The following HIF1AN variants were observed in gnomAD, a reference collection of about 807,000 sequenced individuals.
HIF1AN encodes hypoxia-inducible factor 1-alpha inhibitor.
In HIF1AN, 21 loss-of-function variants were observed where a neutral mutation model predicts 47.7. That is an observed-to-expected ratio of 0.44 (90% CI 0.31 to 0.63). The LOEUF (loss-of-function observed/expected upper bound fraction) is 0.63. Among genes scored for constraint, HIF1AN ranks in the 30% least tolerant of loss-of-function variants. The pLI is 0.07. For missense variants in HIF1AN, 320 were observed against 432.7 expected, an observed-to-expected ratio of 0.74 and a Z score of 2.31; for synonymous variants, 152 against 155.9, an observed-to-expected ratio of 0.98 and a Z score of 0.18.
chr10:100,546,677 C>T, intron 6 of HIF1AN, 96 bp downstream of exon 6: 1 of 895,502 alleles, frequency 1.1e-6, no homozygotes, highest in Non-Finnish European at 1.8e-6. Flanking sequence ...GGTTGACTAT[C>T]CCTGGAAGTG....
intron 3 of HIF1AN, among the ~76,000 whole-genome samples, chr10:100,543,537 C>G (rs1307085722): frequency 2.0e-5 from 3 of 152,044 alleles, no homozygotes; most frequent in Non-Finnish European, 2.9e-5. Flanking sequence ...GAAACCAACT[C>G]TTGGTTGACC....
At chr10:100,548,030 C>G in intron 7 of HIF1AN, 63 bp from the exon 8 acceptor site, 1 of 1,489,942 alleles carries the variant, frequency 6.7e-7, no homozygotes, top group Non-Finnish European at 9.4e-7. Context: ...TCCAGACACA[C>G]CCTGTCCAAT....
At position 100,536,522 on chromosome 10, in the gene HIF1AN, A is replaced by T; in HGVS notation, c.289A>T (p.Thr97Ser). The change falls in exon 2 of 8, where the codon ACC (threonine) becomes TCC (serine). Residue 97 changes from threonine to serine, a missense_variant. By Grantham distance (58) the Thr-to-Ser change is moderately conservative. This residue lies in a region of HIF1AN where 159 missense variants were observed against 159.9 expected (regional missense o/e 0.99). Coordinates refer to ENST00000299163, the MANE Select transcript of HIF1AN (RefSeq NM_017902.3). ...NGDFSVYSASTHKFLYYDEKK... is the reference protein window; with the variant it reads ...NGDFSVYSASSHKFLYYDEKK... Reference sequence around the variant, plus strand: ...AGACTTCTCTGTGTACAGTGCCAGCACCCACAAGTTCTTGTACTATGATGA... The same window carrying T: ...AGACTTCTCTGTGTACAGTGCCAGCTCCCACAAGTTCTTGTACTATGATGA... 1 of 1,614,140 alleles carries T rather than the reference A, an allele frequency of 6.2e-7. No individual in the cohort carries two copies. The highest frequency in any genetic ancestry group is 1.1e-5 in the South Asian group (1 of 91,080).
rs1281512884 is a variant in HIF1AN at position 100,559,439 on chromosome 10, GAC to G, written c.*11304_*11305del. 1 of 152,164 alleles carries G rather than the reference GAC, an allele frequency of 6.6e-6. No homozygotes were observed. The highest frequency in any genetic ancestry group is 6.5e-5 in the Admixed American group (1 of 15,274). The allele number at this position is 152,164 out of a possible 1,614,324, so 9.4% of individuals were successfully genotyped here. ...AGGTGAATAGTTTGCTCTTTTCTGAGACAGGGCATTGCTTTTCGACGCAGGCT... is the reference window on the plus strand; with the variant it reads ...AGGTGAATAGTTTGCTCTTTTCTGAGAGGGCATTGCTTTTCGACGCAGGCT... On this transcript the variant is annotated 3_prime_UTR_variant, in exon 8 of 8. Coordinates refer to ENST00000299163, the MANE Select transcript of HIF1AN (RefSeq NM_017902.3).
Position 100,546,603 on chromosome 10 carries a change from T to C in HIF1AN, c.894+22T>C, listed in dbSNP as rs11498551. On this transcript the variant is annotated intron_variant, in intron 6 of 7. Coordinates refer to ENST00000299163, the MANE Select transcript of HIF1AN (RefSeq NM_017902.3). ...TAAGGTGAATATGGTTTGCTTTTTT[T>C]GTTTTTTCCAGATGGAACTGGCTCT... 3.1e-6 allele frequency: 5 copies of C among 1,601,640 alleles called. No individual in the cohort carries two copies. The African/African-American group carries it at 6.7e-5, about 21-fold the overall frequency.
Position 100,536,463 on chromosome 10 carries a change from ACC to A in HIF1AN, c.231_232del (p.Leu78Ter). On this transcript the variant is annotated frameshift_variant, in exon 2 of 8. Coordinates refer to ENST00000299163, the MANE Select transcript of HIF1AN (RefSeq NM_017902.3). LOFTEE classifies it high-confidence loss of function. ...CTTGTGTATCCTGCCCTGAAATGGG[ACC>A]TTGAATACCTGCAAGAGAATATTGG... The A allele has an allele frequency of 6.2e-7, 1 of 1,614,026 alleles. No individual in the cohort carries two copies. The highest frequency in any genetic ancestry group is 2.2e-5 in the East Asian group (1 of 44,880).
chr10:100,541,940 G>T (rs1843037779), intron 3 of HIF1AN, among the ~76,000 whole-genome samples: 1 of 152,120 alleles, frequency 6.6e-6, no homozygotes. Context: ...GTACTACATG[G>T]TGTTAGCATA....
chr10:100,544,117 C>G lies in HIF1AN; in HGVS notation c.578-834C>G, dbSNP rs1843072318. 2.0e-5 allele frequency among the ~76,000 whole-genome samples: 3 copies of G among 152,300 alleles called. No individual in the cohort carries two copies. In the South Asian group the frequency reaches 6.2e-4, roughly 32 times the overall value. Reference sequence around the variant, plus strand: ...CAAAGGCCAAACAACACACGTGGTCCTAGTTAGAAAGGAGTAGATGGAACA... The same window carrying G: ...CAAAGGCCAAACAACACACGTGGTCGTAGTTAGAAAGGAGTAGATGGAACA... On this transcript the variant is annotated intron_variant, in intron 3 of 7. Coordinates refer to ENST00000299163, the MANE Select transcript of HIF1AN (RefSeq NM_017902.3).
chr10:100,539,061 A>G (rs377728854), intron 2 of HIF1AN, among the ~76,000 whole-genome samples: 1 of 151,932 alleles, frequency 6.6e-6, no homozygotes, highest in Non-Finnish European at 1.5e-5. Context: ...ATGTGCTGCC[A>G]CCACCATGCC....
intron 2 of HIF1AN, among the ~76,000 whole-genome samples, chr10:100,537,361 G>T (rs1262079945): frequency 6.6e-6 from 1 of 152,068 alleles, no homozygotes; most frequent in Non-Finnish European, 1.5e-5. Flanking sequence ...GTTGCAGGGG[G>T]CCAAACAAAA....
rs1266346896 is a variant in HIF1AN at position 100,549,808 on chromosome 10, C to G, written c.*1671C>G. ...TCCAGCATCTGAGCTCTGGCTCTCACCCCTGAAGCTCAGTTATAGTGCACT... is the reference window on the plus strand; with the variant it reads ...TCCAGCATCTGAGCTCTGGCTCTCAGCCCTGAAGCTCAGTTATAGTGCACT... On this transcript the variant is annotated 3_prime_UTR_variant, in exon 8 of 8. Coordinates refer to ENST00000299163, the MANE Select transcript of HIF1AN (RefSeq NM_017902.3). 2 of 151,586 alleles carry G rather than the reference C, an allele frequency of 1.3e-5. No homozygotes were observed. The highest frequency in any genetic ancestry group is 4.9e-5 in the African/African-American group (2 of 41,166). 9.4% of individuals were successfully genotyped at this position (151,586 alleles called of 1,614,324 possible).
chr10:100,542,440 G>A (rs182589817), intron 3 of HIF1AN, among the ~76,000 whole-genome samples: 254 of 152,098 alleles, frequency 1.7e-3, no homozygotes, highest in African/African-American at 5.5e-3. Flanking sequence ...TACAAGCTCC[G>A]CCTCCCAGGT....
intron 2 of HIF1AN, 143 bp downstream of exon 2, chr10:100,536,804 C>T (rs1386197362): frequency 4.4e-6 from 4 of 908,156 alleles, no homozygotes; most frequent in East Asian, 5.0e-5. Context: ...GTAGTCTGGT[C>T]TTCCAGCCTT....
At chr10:100,540,247 T>G (rs991639243) in intron 2 of HIF1AN, among the ~76,000 whole-genome samples, 1 of 151,986 alleles carries the variant, frequency 6.6e-6, no homozygotes, top group Non-Finnish European at 1.5e-5. Context: ...CAAAAAAGGT[T>G]AAGCATCACT....
In HIF1AN at chr10:100,554,194, C is replaced by T. The variant is rs1843194014; in HGVS notation, c.*6057C>T. The T allele has an allele frequency of 6.6e-6, 1 of 152,162 alleles. No individual in the cohort carries two copies. Among genetic ancestry groups the T allele is most frequent in the South Asian group, 2.1e-4 (1 of 4,822 alleles). 9.4% of individuals were successfully genotyped at this position (152,162 alleles called of 1,614,324 possible). Reference sequence around the variant, plus strand: ...GTGAGAAGGTTTCAGGTCTGAGCTCCCCTTGCACTGTGTGAGAGGCCGTGG... The same window carrying T: ...GTGAGAAGGTTTCAGGTCTGAGCTCTCCTTGCACTGTGTGAGAGGCCGTGG... On this transcript the variant is annotated 3_prime_UTR_variant, in exon 8 of 8. Transcript: ENST00000299163.
At position 100,542,846 on chromosome 10, in the gene HIF1AN, G is replaced by GTTTT. The variant is rs397730143; in HGVS notation, c.577+2084_578-2082dup. Reference sequence around the variant, plus strand: ...CATACACTAATAAATATGTGAATGTGTTTTTTTTTTTTTTTTTTTTTTTCT... The same window carrying GTTTT: ...CATACACTAATAAATATGTGAATGTGTTTTTTTTTTTTTTTTTTTTTTTTTTTCT... On this transcript the variant is annotated intron_variant, in intron 3 of 7. Coordinates refer to ENST00000299163, the MANE Select transcript of HIF1AN (RefSeq NM_017902.3). Among the ~76,000 whole-genome samples, 48 of 111,758 alleles carry GTTTT rather than the reference G, an allele frequency of 4.3e-4. 1 individual carries two copies. The highest frequency in any genetic ancestry group is 1.3e-3 in the East Asian group (4 of 3,160). The allele number at this position is 111,758 out of a possible 152,430, so 73.3% of individuals were successfully genotyped here.
intron 2 of HIF1AN, among the ~76,000 whole-genome samples, chr10:100,538,058 C>T (rs146999774): frequency 0.01 from 1,567 of 152,252 alleles, 18 homozygotes; most frequent in Admixed American, 0.018. Flanking sequence ...GTGTGTAATT[C>T]CATTGAATGA....
intron 2 of HIF1AN, among the ~76,000 whole-genome samples, chr10:100,537,222 C>T (rs1450246578): frequency 6.6e-6 from 1 of 152,096 alleles, no homozygotes; most frequent in East Asian, 1.9e-4. Flanking sequence ...ACTCTGCTTG[C>T]TTCAGTTTTG....
At position 100,549,061 on chromosome 10, in the gene HIF1AN, C is replaced by T. The variant is rs112415335; in HGVS notation, c.*924C>T. 0.013 allele frequency: 1,739 copies of T among 136,528 alleles called. 33 individuals are homozygous for T. Among genetic ancestry groups the T allele is most frequent in the African/African-American group, 0.041 (1,570 of 38,074 alleles). 8.5% of individuals were successfully genotyped at this position (136,528 alleles called of 1,614,324 possible). On this transcript the variant is annotated 3_prime_UTR_variant, in exon 8 of 8. Coordinates refer to ENST00000299163, the MANE Select transcript of HIF1AN (RefSeq NM_017902.3). ...GCCTCTGGGTGTGTGTGTGTGTGTG[C>T]GTGCGTGTGTGTGTGTGTGTCCGTG... is the stretch of plus-strand genomic sequence containing the variant.
Sources: gnomAD v4.1 joint callset for allele counts (sites outside exome capture counted in the v4.1 genomes callset) on GRCh38, gnomAD v4.1.1 for gene constraint, gnomAD v4.1.1 regional missense constraint, MANE v1.5 for transcripts, NCBI Gene and HGNC (gene_info 2026-07-23, HGNC 2026-07-21) for gene names.